The following HDLBP variants were observed in gnomAD, a reference collection of about 807,000 sequenced individuals.
HDLBP encodes the protein high density lipoprotein binding protein.
HDLBP carries 30 observed loss-of-function variants against 137.3 expected under a neutral mutation model. The observed-to-expected ratio is 0.22, with a 90% confidence interval of 0.16 to 0.30. The LOEUF (loss-of-function observed/expected upper bound fraction) is 0.30, where lower values mean the gene tolerates loss of function less well. HDLBP is among the 10% of genes least tolerant of loss of function. The probability of loss-of-function intolerance (pLI) is 1.00; values close to 1 mark genes in which losing one functional copy is unlikely to be tolerated. For synonymous variants in HDLBP, 606 were observed against 596.0 expected (o/e 1.02, Z -0.24); for missense variants, 1,119 against 1,667.3 (o/e 0.67, Z 5.73).
intron 1 of HDLBP, among the ~76,000 whole-genome samples, chr2:241,296,358 T>C (rs1182913739): frequency 6.6e-6 from 1 of 152,188 alleles, no homozygotes; most frequent in Admixed American, 6.5e-5. Flanking sequence ...AAATTTCAGC[T>C]GGATTGGAGA....
At chr2:241,248,796 G>A (rs781547142) in intron 12 of HDLBP, among the ~76,000 whole-genome samples, 97 of 151,962 alleles carry the variant, frequency 6.4e-4, no homozygotes, top group Non-Finnish European at 5.7e-4. Flanking sequence ...CACTTTCCCC[G>A]CATGGCTAAG....
chr2:241,257,585 G>A, intron 5 of HDLBP, among the ~76,000 whole-genome samples: 1 of 152,168 alleles, frequency 6.6e-6, no homozygotes, highest in Non-Finnish European at 1.5e-5. Flanking sequence ...CAAGAAAATA[G>A]CAAGACACAA....
At chr2:241,234,159 T>C (rs2070120043) in intron 23 of HDLBP, among the ~76,000 whole-genome samples, 196 bp from the exon 24 acceptor site, 1 of 152,198 alleles carries the variant, frequency 6.6e-6, no homozygotes, top group South Asian at 2.1e-4. Context: ...CCAGGGAACT[T>C]GGCTGCTCCA....
chr2:241,230,941 G>C lies in HDLBP; in HGVS notation c.3292C>G (p.Gln1098Glu). The C allele has an allele frequency of 1.2e-6, 2 of 1,611,978 alleles. No individual in the cohort carries two copies. Among genetic ancestry groups the C allele is most frequent in the Non-Finnish European group, 1.7e-6 (2 of 1,178,200 alleles). The part of the protein sequence containing the change: ...FPDKDDGNQP[Q>E]DQITITGYEK... ...TACCCTGTGATGGTAATTTGGTCCT[G>C]GGGCTAAAAAAGGAGAATGTAGTCA... The change falls in exon 25 of 28, where the codon CAG (glutamine) becomes GAG (glutamate). Residue 1098 changes from glutamine (Q) to glutamate (E), a missense_variant. Coordinates refer to ENST00000310931, the MANE Select transcript of HDLBP (RefSeq NM_005336.6). The surrounding 1 kb of genome is among the most constrained non-coding windows in gnomAD (Gnocchi z 5.0).
intron 17 of HDLBP, among the ~76,000 whole-genome samples, chr2:241,241,520 TTG>T (rs2071217567): frequency 8.1e-6 from 1 of 123,566 alleles, no homozygotes. Flanking sequence ...TGAGGCGAGA[TTG>T]CGCCACTACA....
intron 1 of HDLBP, among the ~76,000 whole-genome samples, chr2:241,288,327 G>C (rs977685443): frequency 2.6e-5 from 4 of 152,172 alleles, no homozygotes; most frequent in African/African-American, 9.7e-5. Context: ...CTGAGAACAA[G>C]ATACATAAGA....
At chr2:241,271,779 A>G (rs2074059440) in intron 1 of HDLBP, 1 of 108,474 alleles carries the variant, frequency 9.2e-6, no homozygotes. Context: ...TCCAAAACTA[A>G]AATTACTCAA....
At chr2:241,304,235 G>C (rs55772736) in intron 1 of HDLBP, among the ~76,000 whole-genome samples, 9,235 of 152,270 alleles carry the variant, frequency 0.061, 949 homozygotes, top group African/African-American at 0.21. Context: ...AAGCCATAGG[G>C]ATCCAAACCA....
At chr2:241,232,948 T>C (rs2069951732) in intron 24 of HDLBP, among the ~76,000 whole-genome samples, 2 of 151,160 alleles carry the variant, frequency 1.3e-5, no homozygotes, top group South Asian at 4.2e-4. Flanking sequence ...TGTGTGTGAC[T>C]CAAAGATCCA....
intron 1 of HDLBP, among the ~76,000 whole-genome samples, chr2:241,275,790 C>T (rs772329333): frequency 7.2e-5 from 11 of 151,940 alleles, no homozygotes; most frequent in African/African-American, 2.2e-4. Context: ...TAAATTATGG[C>T]GAAAGAAATA....
At chr2:241,293,485 G>T (rs2075071094) in intron 1 of HDLBP, among the ~76,000 whole-genome samples, 1 of 151,696 alleles carries the variant, frequency 6.6e-6, no homozygotes, top group African/African-American at 2.4e-5. Context: ...GGTGGCACGT[G>T]CCTGTAGTCC....
At chr2:241,252,081 G>A (rs1175866163) in intron 11 of HDLBP, among the ~76,000 whole-genome samples, 3 of 152,210 alleles carry the variant, frequency 2.0e-5, no homozygotes, top group South Asian at 4.1e-4. Flanking sequence ...ACCTGGCACA[G>A]GTGAGGCACA....
At chr2:241,263,333 G>A (rs1278910444) in intron 4 of HDLBP, among the ~76,000 whole-genome samples, 2 of 152,192 alleles carry the variant, frequency 1.3e-5, no homozygotes, top group East Asian at 1.9e-4. Flanking sequence ...GGATGGGGGC[G>A]GAGCCTGGTG....
Position 241,272,421 on chromosome 2 carries a change from G to A in HDLBP, c.-102-3880C>T, listed in dbSNP as rs2074149908. ...GCCACGGCACCAGGGGTGCCCCACC[G>A]AAGCCCCGGGAGGAGGCGGGGGAGC... On this transcript the variant is annotated intron_variant, in intron 1 of 27. Coordinates refer to ENST00000310931, the MANE Select transcript of HDLBP (RefSeq NM_005336.6). This position sits in a 1 kb window ranked among gnomAD's most constrained non-coding sequence, Gnocchi z 5.6. The A allele has an allele frequency of 1.0e-6, 1 of 984,632 alleles. No individual in the cohort carries two copies. The highest frequency in any genetic ancestry group is 1.2e-6 in the Non-Finnish European group (1 of 829,654). 61.0% of individuals were successfully genotyped at this position (984,632 alleles called of 1,614,324 possible).
intron 1 of HDLBP, among the ~76,000 whole-genome samples, chr2:241,301,435 G>A (rs763073563): frequency 5.9e-5 from 9 of 152,108 alleles, no homozygotes; most frequent in South Asian, 2.1e-4. Context: ...AGCATATCAC[G>A]TAAGAAGAGT....
chr2:241,243,833 A>G (rs2071471383), intron 16 of HDLBP: 1 of 152,246 alleles, frequency 6.6e-6, no homozygotes, highest in Admixed American at 6.5e-5. Flanking sequence ...ACAAACACAA[A>G]ATAATATTCA....
intron 11 of HDLBP, chr2:241,250,382 A>G (rs988299852): frequency 6.2e-6 from 1 of 160,154 alleles, no homozygotes; most frequent in East Asian, 1.8e-4. Flanking sequence ...AAAACCACAC[A>G]CATTAACTCC....
At chr2:241,303,672 A>G (rs1575054707) in intron 1 of HDLBP, among the ~76,000 whole-genome samples, 1 of 152,234 alleles carries the variant, frequency 6.6e-6, no homozygotes, top group Non-Finnish European at 1.5e-5. Context: ...CCAAGAATAC[A>G]AAAGTGACAC....
intron 1 of HDLBP, among the ~76,000 whole-genome samples, chr2:241,283,832 T>A: frequency 6.6e-6 from 1 of 152,152 alleles, no homozygotes; most frequent in Non-Finnish European, 1.5e-5. Flanking sequence ...ACTCTCTTGT[T>A]AGGGGCTAGT....
Sources: gnomAD v4.1 joint callset for allele counts (sites outside exome capture counted in the v4.1 genomes callset) on GRCh38, gnomAD v4.1.1 for gene constraint, Gnocchi (gnomAD v3.1) non-coding constraint, MANE v1.5 for transcripts, NCBI Gene and HGNC (gene_info 2026-07-23, HGNC 2026-07-21) for gene names.